Variants in APBA2 observed in about 807,000 individuals in gnomAD.
The protein encoded by APBA2 is amyloid beta precursor protein binding family A member 2.
A neutral mutation model predicts 75.0 loss-of-function variants in APBA2; 30 were observed. The observed-to-expected ratio is 0.40, with a 90% confidence interval of 0.30 to 0.54. The LOEUF (loss-of-function observed/expected upper bound fraction) is 0.54. Among genes scored for constraint, APBA2 ranks in the 20% least tolerant of loss-of-function variants. The pLI is 0.49. For missense variants in APBA2, 801 were observed against 1,016.1 expected, an observed-to-expected ratio of 0.79 and a Z score of 2.88; for synonymous variants, 444 against 409.6, an observed-to-expected ratio of 1.08 and a Z score of -1.01.
intron 2 of APBA2, among the ~76,000 whole-genome samples, chr15:28,937,603 C>G (rs541311017): frequency 6.6e-6 from 1 of 152,136 alleles, no homozygotes; most frequent in Non-Finnish European, 1.5e-5. Context: ...TCTCCCACTC[C>G]GGGCTTCAGG....
intron 6 of APBA2, among the ~76,000 whole-genome samples, chr15:29,083,306 C>T (rs932148835): frequency 6.6e-6 from 1 of 152,048 alleles, no homozygotes; most frequent in Non-Finnish European, 1.5e-5. Flanking sequence ...ATGTGGGTCT[C>T]GGTCTGTTTC....
chr15:28,937,271 C>T (rs921749137), intron 2 of APBA2, among the ~76,000 whole-genome samples: 2 of 152,188 alleles, frequency 1.3e-5, no homozygotes, highest in South Asian at 2.1e-4. Context: ...CCTTGTGGGC[C>T]GGGGGTGCTT....
At chr15:29,086,211 G>A (rs116132495) in intron 6 of APBA2, among the ~76,000 whole-genome samples, 2 of 152,214 alleles carry the variant, frequency 1.3e-5, no homozygotes, top group Non-Finnish European at 2.9e-5. Flanking sequence ...CAGCGGCCTG[G>A]TGAGAGAACT....
At chr15:28,940,837 C>T (rs1423854269) in intron 2 of APBA2, among the ~76,000 whole-genome samples, 3 of 152,154 alleles carry the variant, frequency 2.0e-5, no homozygotes, top group Admixed American at 2.0e-4. Context: ...AGGAGCCACC[C>T]TGGACTGTGA....
intron 6 of APBA2, among the ~76,000 whole-genome samples, chr15:29,091,733 G>A (rs1438041842): frequency 6.6e-5 from 10 of 152,268 alleles, no homozygotes; most frequent in African/African-American, 1.4e-4. Context: ...GGATGGCAGC[G>A]CCCAAGCTGG....
chr15:29,105,568 A>G lies in APBA2; in HGVS notation c.1704+10A>G. ...GGAGAACTGCAAGGAGGTAAGCCAC[A>G]CCCACCAGCCTCAGGGAGGCCACAT... On this transcript the variant is annotated intron_variant, in intron 11 of 14. Coordinates refer to ENST00000683413, the MANE Select transcript of APBA2 (RefSeq NM_001353788.2). 1 of 1,612,462 alleles carries G rather than the reference A, an allele frequency of 6.2e-7. No homozygotes were observed.
At chr15:29,008,023 A>G (rs59755188) in intron 3 of APBA2, among the ~76,000 whole-genome samples, 11,906 of 152,302 alleles carry the variant, frequency 0.078, 639 homozygotes, top group East Asian at 0.27. Context: ...TGGTGTATAC[A>G]TAGAATGGAA....
chr15:28,935,245 C>G (rs919362554), intron 2 of APBA2, among the ~76,000 whole-genome samples: 7 of 152,234 alleles, frequency 4.6e-5, no homozygotes, highest in African/African-American at 1.7e-4. Flanking sequence ...GGGCCCCTTC[C>G]ATCCGATGCA....
At chr15:29,039,098 G>GGGGTGTGT (rs1445107391) in intron 3 of APBA2, among the ~76,000 whole-genome samples, 68 of 106,294 alleles carry the variant, frequency 6.4e-4, no homozygotes, top group Non-Finnish European at 9.6e-4. Context: ...TGTATGTCAG[G>GGGGTGTGT]GTGTGTGTGT....
intron 2 of APBA2, among the ~76,000 whole-genome samples, chr15:28,957,630 G>T (rs985249397): frequency 3.9e-5 from 6 of 152,154 alleles, no homozygotes; most frequent in Non-Finnish European, 8.8e-5. Context: ...GGTTTGGATG[G>T]CGTTTTCCTG....
intron 10 of APBA2, among the ~76,000 whole-genome samples, chr15:29,104,121 C>G (rs1343383326): frequency 1.3e-5 from 2 of 152,262 alleles, no homozygotes; most frequent in East Asian, 3.9e-4. Flanking sequence ...ATACATTCAT[C>G]TGCTGCTCTT....
chr15:29,093,605 C>G (rs1158340541), intron 7 of APBA2, among the ~76,000 whole-genome samples: 1 of 152,242 alleles, frequency 6.6e-6, no homozygotes, highest in African/African-American at 2.4e-5. Context: ...TTCAGGACCT[C>G]AAGAAAAACT....
chr15:28,987,725 G>GCTATATATATAT (rs2037994092), intron 2 of APBA2, among the ~76,000 whole-genome samples: 1 of 118,592 alleles, frequency 8.4e-6, no homozygotes, highest in African/African-American at 4.0e-5. Flanking sequence ...AATATGTGGA[G>GCTATATATATAT]AGAGATATAT....
At chr15:29,095,179 G>A (rs1015047124) in intron 8 of APBA2, among the ~76,000 whole-genome samples, 17 of 152,248 alleles carry the variant, frequency 1.1e-4, no homozygotes, top group African/African-American at 2.2e-4. Flanking sequence ...TGTAATCCCA[G>A]CACTTTGGGA....
At chr15:28,990,434 G>A (rs906440543) in intron 2 of APBA2, 3 of 151,372 alleles carry the variant, frequency 2.0e-5, no homozygotes, top group Non-Finnish European at 2.9e-5. Context: ...CAGCCCCACT[G>A]CAAGGAGCTC....
At chr15:29,063,884 G>A (rs1249291477) in intron 4 of APBA2, among the ~76,000 whole-genome samples, 1 of 152,156 alleles carries the variant, frequency 6.6e-6, no homozygotes, top group South Asian at 2.1e-4. Flanking sequence ...CCCTGCTTGT[G>A]AGATAGGATG....
intron 6 of APBA2, among the ~76,000 whole-genome samples, chr15:29,085,215 T>A (rs889589682): frequency 6.6e-6 from 1 of 152,188 alleles, no homozygotes; most frequent in Non-Finnish European, 1.5e-5. Context: ...TTTCTTCTCT[T>A]TTTTGAAAAA....
chr15:28,943,817 A>G (rs1449783105), intron 2 of APBA2, among the ~76,000 whole-genome samples: 2 of 152,024 alleles, frequency 1.3e-5, no homozygotes, highest in East Asian at 1.9e-4. Context: ...GGCTCCACCC[A>G]TTCCAGACCC....
At chr15:29,039,492 C>T (rs992473408) in intron 3 of APBA2, among the ~76,000 whole-genome samples, 1 of 152,144 alleles carries the variant, frequency 6.6e-6, no homozygotes, top group African/African-American at 2.4e-5. Flanking sequence ...GCCTTGGCTG[C>T]ATGTCAGCCA....
Sources: gnomAD v4.1 joint callset for allele counts (sites outside exome capture counted in the v4.1 genomes callset) on GRCh38, gnomAD v4.1.1 for gene constraint, MANE v1.5 for transcripts, NCBI Gene and HGNC (gene_info 2026-07-23, HGNC 2026-07-21) for gene names.